The following UCK2 variants were observed in gnomAD, a reference collection of about 807,000 sequenced individuals.
The protein encoded by UCK2 is cytidine monophosphokinase 2.
In UCK2, 6 loss-of-function variants were observed where a neutral mutation model predicts 30.8. That is an observed-to-expected ratio of 0.19 (90% CI 0.11 to 0.38). UCK2 has a LOEUF of 0.38. Ranked by LOEUF, UCK2 falls within the 10% of genes least tolerant of loss-of-function variation. The pLI, the probability that UCK2 is intolerant of heterozygous loss-of-function variation, is 1.00. For missense variants in UCK2, 210 were observed against 339.8 expected (o/e 0.62, Z 3.00); for synonymous variants, 125 against 133.6 (o/e 0.94, Z 0.45).
At chr1:165,888,647 T>C (rs1450964982) in intron 1 of UCK2, among the ~76,000 whole-genome samples, 65 of 136,450 alleles carry the variant, frequency 4.8e-4, no homozygotes, top group Non-Finnish European at 6.8e-4. Context: ...TTCTTCTTTT[T>C]TTTTTTTTTT....
intron 1 of UCK2, among the ~76,000 whole-genome samples, chr1:165,840,847 T>C (rs1443234319): frequency 6.6e-6 from 1 of 152,132 alleles, no homozygotes; most frequent in Non-Finnish European, 1.5e-5. Flanking sequence ...ATTAGCATCT[T>C]TTTAAAAAAA....
intron 1 of UCK2, among the ~76,000 whole-genome samples, chr1:165,873,097 G>A (rs916345922): frequency 1.3e-5 from 2 of 152,068 alleles, no homozygotes; most frequent in South Asian, 2.1e-4. Context: ...AGGAACTACC[G>A]AAAAACAAAC....
At chr1:165,860,704 C>G (rs1365856519) in intron 1 of UCK2, among the ~76,000 whole-genome samples, 1 of 152,142 alleles carries the variant, frequency 6.6e-6, no homozygotes, top group Non-Finnish European at 1.5e-5. Flanking sequence ...TACGCCTCAG[C>G]CTCCCAAAAT....
chr1:165,868,620 G>A (rs1655111508), intron 1 of UCK2, among the ~76,000 whole-genome samples: 1 of 152,204 alleles, frequency 6.6e-6, no homozygotes, highest in Non-Finnish European at 1.5e-5. Context: ...CTTTTCTTGT[G>A]TGGCTTCCTC....
In UCK2 at chr1:165,909,176, G is replaced by T. The variant is rs1211785585; in HGVS notation, c.*1353G>T. ...TCCTGAGAGCTGCTGCTTGGTGGTA[G>T]TGTTTTCTCTGGAAGTACAGATTCC... On this transcript the variant is annotated 3_prime_UTR_variant, in exon 7 of 7. Coordinates refer to ENST00000367879, the MANE Select transcript of UCK2 (RefSeq NM_012474.5). The T allele has an allele frequency of 6.6e-6, 1 of 152,188 alleles. No individual in the cohort carries two copies. Among genetic ancestry groups the T allele is most frequent in the Non-Finnish European group, 1.5e-5 (1 of 68,076 alleles). The allele number at this position is 152,188 out of a possible 1,614,324, so 9.4% of individuals were successfully genotyped here. A position where few individuals can be genotyped will look rare whatever the true frequency, so the allele number is the denominator to read the frequency against.
chr1:165,906,918 A>G (rs1255662165), intron 6 of UCK2, among the ~76,000 whole-genome samples: 2 of 152,260 alleles, frequency 1.3e-5, no homozygotes. Context: ...CAGTCATTAA[A>G]TTCAAGACAT....
At chr1:165,840,152 C>G (rs1654291824) in intron 1 of UCK2, among the ~76,000 whole-genome samples, 1 of 152,266 alleles carries the variant, frequency 6.6e-6, no homozygotes. Context: ...TTCCCGACCT[C>G]AAGTTATCCC....
chr1:165,884,012 C>T (rs61800669), intron 1 of UCK2, among the ~76,000 whole-genome samples: 430 of 152,230 alleles, frequency 2.8e-3, no homozygotes, highest in Middle Eastern at 6.8e-3. Context: ...AACCCCTACC[C>T]GCAAAGGAGT....
At chr1:165,865,803 G>GT (rs1378022209) in intron 1 of UCK2, among the ~76,000 whole-genome samples, 12 of 152,166 alleles carry the variant, frequency 7.9e-5, no homozygotes, top group African/African-American at 2.7e-4. Flanking sequence ...AACCACAGTC[G>GT]TAACGACCAA....
intron 1 of UCK2, among the ~76,000 whole-genome samples, chr1:165,889,427 T>C (rs1655705050): frequency 6.6e-6 from 1 of 152,240 alleles, no homozygotes; most frequent in African/African-American, 2.4e-5. Context: ...ATCATCACCA[T>C]GCCTTCATTC....
At chr1:165,854,084 A>G (rs1277308391) in intron 1 of UCK2, among the ~76,000 whole-genome samples, 2 of 152,196 alleles carry the variant, frequency 1.3e-5, no homozygotes, top group Non-Finnish European at 2.9e-5. Flanking sequence ...TGCCATTCCT[A>G]TCTCCTCTCA....
chr1:165,858,012 G>A (rs559904640), intron 1 of UCK2, among the ~76,000 whole-genome samples: 43 of 152,294 alleles, frequency 2.8e-4, no homozygotes, highest in African/African-American at 9.4e-4. Context: ...AGCACTCTGA[G>A]AAAGAGGGAG....
chr1:165,889,688 CTTTTTT>C (rs57710760), intron 1 of UCK2, among the ~76,000 whole-genome samples: 3 of 129,666 alleles, frequency 2.3e-5, no homozygotes, highest in Admixed American at 2.3e-4. Context: ...CTCCGTTAGC[CTTTTTT>C]TTTTTTTTTT....
At chr1:165,832,141 GTCT>G (rs1654064500) in intron 1 of UCK2, among the ~76,000 whole-genome samples, 1 of 152,146 alleles carries the variant, frequency 6.6e-6, no homozygotes, top group African/African-American at 2.4e-5. Flanking sequence ...TTGCTCAGTG[GTCT>G]TCTTTTTGTA....
chr1:165,848,555 C>A (rs1254603027), intron 1 of UCK2, among the ~76,000 whole-genome samples: 1 of 151,220 alleles, frequency 6.6e-6, no homozygotes, highest in Non-Finnish European at 1.5e-5. Context: ...TCGCTTGAAC[C>A]CACCGAGGCG....
At position 165,850,045 on chromosome 1, in the gene UCK2, A is replaced by T. The variant is rs1478796841; in HGVS notation, c.99+22113A>T. Among the ~76,000 whole-genome samples the T allele has an allele frequency of 2.0e-5, 3 of 152,368 alleles. No homozygotes were observed. The East Asian group carries it at 5.8e-4, about 29-fold the overall frequency. On this transcript the variant is annotated intron_variant, in intron 1 of 6. Coordinates refer to ENST00000367879, the MANE Select transcript of UCK2 (RefSeq NM_012474.5). ...ATAGTGAGAAGAACTTGAGATCGCT[A>T]CGTGTCCCAGAGAAGACACCTTCCT...
intron 1 of UCK2, among the ~76,000 whole-genome samples, chr1:165,848,565 G>A (rs1423327477): frequency 1.3e-5 from 2 of 151,868 alleles, no homozygotes; most frequent in African/African-American, 2.4e-5. Flanking sequence ...CCACCGAGGC[G>A]GAGGTTGTAG....
intron 3 of UCK2, chr1:165,895,496 G>A: frequency 1.0e-6 from 1 of 985,378 alleles, no homozygotes; most frequent in Non-Finnish European, 1.2e-6. Context: ...GGGTTGGGTG[G>A]ATGAGGTCAT....
chr1:165,890,743 G>T, intron 2 of UCK2: 1 of 258,344 alleles, frequency 3.9e-6, no homozygotes, highest in Non-Finnish European at 7.5e-6. Flanking sequence ...CTGTCTGGCA[G>T]AGAGGGAGAT....
Sources: gnomAD v4.1 joint callset for allele counts (sites outside exome capture counted in the v4.1 genomes callset) on GRCh38, gnomAD v4.1.1 for gene constraint, MANE v1.5 for transcripts, NCBI Gene and HGNC (gene_info 2026-07-23, HGNC 2026-07-21) for gene names.